FSTL4: variants seen among roughly 807,000 people sequenced by gnomAD.
FSTL4 encodes follistatin-related protein 4.
Under a neutral mutation model 78.2 loss-of-function variants are expected in FSTL4, and 28 were observed. That is an observed-to-expected ratio of 0.36 (90% CI 0.27 to 0.49). The LOEUF (loss-of-function observed/expected upper bound fraction) is 0.49. Ranked by LOEUF, FSTL4 falls within the 20% of genes least tolerant of loss-of-function variation. The probability of loss-of-function intolerance (pLI) is 0.98; values close to 1 mark genes in which losing one functional copy is unlikely to be tolerated. For missense variants in FSTL4, 922 were observed against 1,084.9 expected (o/e 0.85, Z 2.11); for synonymous variants, 422 against 440.5 (o/e 0.96, Z 0.53).
chr5:133,311,992 T>C (rs1753795972), intron 6 of FSTL4, among the ~76,000 whole-genome samples: 1 of 152,218 alleles, frequency 6.6e-6, no homozygotes, highest in East Asian at 1.9e-4. Context: ...TTGTAAGTCC[T>C]GTCCCAGCAC....
intron 3 of FSTL4, among the ~76,000 whole-genome samples, chr5:133,479,217 C>T (rs545584927): frequency 1.3e-5 from 2 of 152,270 alleles, no homozygotes; most frequent in East Asian, 1.9e-4. Flanking sequence ...AAGGCGGGGA[C>T]CATGTGCGTC....
At chr5:133,738,253 G>C in the FSTL4 span, among the ~76,000 whole-genome samples, 3 of 152,126 alleles carry the variant, frequency 2.0e-5, no homozygotes, top group Non-Finnish European at 2.9e-5. Context: ...CAATTTCCTT[G>C]GAGTTTTCTC....
intron 3 of FSTL4, among the ~76,000 whole-genome samples, chr5:133,462,130 C>A (rs1367054683): frequency 1.3e-5 from 2 of 152,246 alleles, no homozygotes; most frequent in African/African-American, 4.8e-5. Flanking sequence ...AAGGTAGACA[C>A]AGATCTCAAG....
At chr5:133,583,399 C>T (rs1340577309) in intron 2 of FSTL4, 1 of 291,944 alleles carries the variant, frequency 3.4e-6, no homozygotes, top group South Asian at 2.3e-5. Context: ...GGGTTCATCT[C>T]ACTAGGGAGT....
At chr5:133,329,801 T>G (rs907640782) in intron 4 of FSTL4, among the ~76,000 whole-genome samples, 4 of 152,202 alleles carry the variant, frequency 2.6e-5, no homozygotes, top group African/African-American at 9.6e-5. Flanking sequence ...TGACGTTCAG[T>G]ATTAACCATC....
intron 4 of FSTL4, among the ~76,000 whole-genome samples, chr5:133,385,182 G>T (rs988976412): frequency 1.3e-5 from 2 of 152,342 alleles, no homozygotes; most frequent in South Asian, 2.1e-4. Flanking sequence ...CTGGTACACA[G>T]CAGGCACTCA....
intron 3 of FSTL4, among the ~76,000 whole-genome samples, chr5:133,561,810 C>A (rs1331086876): frequency 6.6e-6 from 1 of 152,114 alleles, no homozygotes; most frequent in Non-Finnish European, 1.5e-5. Context: ...AGCTGCCTAC[C>A]AATTGGTCAT....
At chr5:133,617,128 G>A (rs972631730), upstream of FSTL4, among the ~76,000 whole-genome samples, 4 of 151,892 alleles carry the variant, frequency 2.6e-5, no homozygotes, top group Non-Finnish European at 4.4e-5. Flanking sequence ...GTGAAACTCC[G>A]TTTCTACTAA....
chr5:133,671,954 A>G, the FSTL4 span, among the ~76,000 whole-genome samples: 7 of 152,238 alleles, frequency 4.6e-5, no homozygotes, highest in Non-Finnish European at 1.0e-4. Flanking sequence ...ATGTTACCAC[A>G]GGTCTTTGAA....
intron 3 of FSTL4, among the ~76,000 whole-genome samples, chr5:133,518,351 A>C (rs1758906620): frequency 6.6e-6 from 1 of 152,236 alleles, no homozygotes. Context: ...CTACAGAGAA[A>C]TCAATACAAC....
At chr5:133,311,317 G>A (rs990309568) in intron 6 of FSTL4, among the ~76,000 whole-genome samples, 8 of 152,300 alleles carry the variant, frequency 5.3e-5, no homozygotes, top group African/African-American at 1.9e-4. Context: ...AACATAGGCA[G>A]GTATGAGTTT....
intron 3 of FSTL4, among the ~76,000 whole-genome samples, chr5:133,519,824 T>G (rs1468547065): frequency 2.0e-5 from 3 of 152,220 alleles, no homozygotes; most frequent in African/African-American, 7.2e-5. Context: ...CCTTTGACCC[T>G]GCAAGTCACA....
At chr5:133,238,517 C>T (rs57408022) in intron 7 of FSTL4, among the ~76,000 whole-genome samples, 2,398 of 152,312 alleles carry the variant, frequency 0.016, 54 homozygotes, top group African/African-American at 0.054. Flanking sequence ...CAAGCCAGGA[C>T]CACATGCACA....
At chr5:133,762,386 T>C in the FSTL4 span, among the ~76,000 whole-genome samples, 1 of 152,200 alleles carries the variant, frequency 6.6e-6, no homozygotes, top group Non-Finnish European at 1.5e-5. Context: ...CCTCAAGTCA[T>C]AGCCCCAAAC....
the FSTL4 span, among the ~76,000 whole-genome samples, chr5:133,644,371 A>G: frequency 5.9e-5 from 9 of 151,950 alleles, no homozygotes; most frequent in Admixed American, 5.9e-4. Flanking sequence ...TGAAACCCAC[A>G]GTGGAATTAA....
chr5:133,256,010 C>T (rs1174216545), intron 6 of FSTL4, among the ~76,000 whole-genome samples: 1 of 152,134 alleles, frequency 6.6e-6, no homozygotes. Context: ...TGTTAGTTTT[C>T]TTATGTCAGA....
At chr5:133,705,642 C>T in the FSTL4 span, among the ~76,000 whole-genome samples, 8 of 152,294 alleles carry the variant, frequency 5.3e-5, no homozygotes, top group South Asian at 1.7e-3. Context: ...TCATCAGGGA[C>T]AACCCAGCAG....
chr5:133,528,936 T>A (rs1759193850), intron 3 of FSTL4, among the ~76,000 whole-genome samples: 2 of 152,150 alleles, frequency 1.3e-5, no homozygotes, highest in South Asian at 4.1e-4. Context: ...GTCTCCTCCA[T>A]GAGAATGTGC....
the FSTL4 span, among the ~76,000 whole-genome samples, chr5:133,629,205 C>A: frequency 2.8e-3 from 420 of 151,806 alleles, 3 homozygotes; most frequent in African/African-American, 9.8e-3. Context: ...TTATCAAAGG[C>A]CTTTTCTGCA....
Sources: gnomAD v4.1 joint callset for allele counts (sites outside exome capture counted in the v4.1 genomes callset) on GRCh38, gnomAD v4.1.1 for gene constraint, MANE v1.5 for transcripts, NCBI Gene and HGNC (gene_info 2026-07-23, HGNC 2026-07-21) for gene names.